The following ZBTB20 variants were observed in gnomAD, a reference collection of about 807,000 sequenced individuals.
The protein encoded by ZBTB20 is zinc finger and BTB domain containing 20, also known as zinc finger and BTB domain-containing protein 20.
Under a neutral mutation model 56.9 loss-of-function variants are expected in ZBTB20, and 9 were observed. The ratio of observed to expected loss-of-function variants is 0.16; its 90% CI spans 0.10 to 0.28. The LOEUF is 0.28. ZBTB20 is among the 10% of genes least tolerant of loss of function. The pLI is 1.00. For missense variants in ZBTB20, 655 were observed against 1,003.0 expected, an observed-to-expected ratio of 0.65 and a Z score of 4.69; for synonymous variants, 417 against 420.7, an observed-to-expected ratio of 0.99 and a Z score of 0.11.
chr3:114,448,301 C>A (rs1245985041), intron 7 of ZBTB20, among the ~76,000 whole-genome samples: 21 of 151,818 alleles, frequency 1.4e-4, no homozygotes, highest in Non-Finnish European at 3.1e-4. Flanking sequence ...AGTATAAAAA[C>A]AGCTGATCTT....
intron 6 of ZBTB20, among the ~76,000 whole-genome samples, chr3:114,525,495 A>G (rs1256364262): frequency 6.6e-6 from 1 of 151,916 alleles, no homozygotes; most frequent in East Asian, 1.9e-4. Context: ...CCACATACCA[A>G]TTCTTTGAGT....
chr3:115,073,064 A>G (rs566365853), intron 1 of ZBTB20, among the ~76,000 whole-genome samples: 1 of 152,210 alleles, frequency 6.6e-6, no homozygotes, highest in Non-Finnish European at 1.5e-5. Flanking sequence ...TTTCTATAAC[A>G]GGAGTAACAA....
At chr3:114,809,643 T>C (rs1005096930) in intron 4 of ZBTB20, among the ~76,000 whole-genome samples, 1 of 152,192 alleles carries the variant, frequency 6.6e-6, no homozygotes, top group Non-Finnish European at 1.5e-5. Context: ...AACTCTTTGT[T>C]TGCTAAGTTT....
intron 5 of ZBTB20, among the ~76,000 whole-genome samples, chr3:114,715,213 C>A (rs1201795532): frequency 1.3e-5 from 2 of 152,186 alleles, no homozygotes; most frequent in African/African-American, 4.8e-5. Context: ...AAAACAAAGT[C>A]ATTTTCAATT....
intron 4 of ZBTB20, among the ~76,000 whole-genome samples, chr3:114,882,251 T>C (rs748425229): frequency 6.6e-6 from 1 of 152,004 alleles, no homozygotes; most frequent in Non-Finnish European, 1.5e-5. Context: ...ATCAAAACAA[T>C]GGTGAAATAT....
intron 6 of ZBTB20, among the ~76,000 whole-genome samples, chr3:114,516,952 G>A (rs1008721670): frequency 5.3e-5 from 8 of 152,192 alleles, no homozygotes; most frequent in African/African-American, 9.6e-5. Context: ...GTGGTAGTTC[G>A]TTACAAAGCC....
At chr3:114,655,076 C>G (rs974241940) in intron 6 of ZBTB20, among the ~76,000 whole-genome samples, 1 of 151,904 alleles carries the variant, frequency 6.6e-6, no homozygotes, top group African/African-American at 2.4e-5. Flanking sequence ...TGACTCTTGC[C>G]TTTTTATTCA....
intron 11 of ZBTB20, among the ~76,000 whole-genome samples, chr3:114,340,283 T>C (rs1039088873): frequency 5.9e-5 from 9 of 152,064 alleles, no homozygotes; most frequent in Admixed American, 3.3e-4. Flanking sequence ...TGACATAAAA[T>C]ACATATGAAA....
chr3:114,970,399 G>A (rs2077823954), intron 3 of ZBTB20, among the ~76,000 whole-genome samples: 1 of 152,176 alleles, frequency 6.6e-6, no homozygotes, highest in Non-Finnish European at 1.5e-5. Context: ...GTATTTTAGG[G>A]AATGGTAGAC....
Position 114,319,988 on chromosome 3 carries a change from T to A in ZBTB20, c.*19017A>T, listed in dbSNP as rs2078836246. On this transcript the variant is annotated 3_prime_UTR_variant, in exon 12 of 12. Coordinates refer to ENST00000675478, the MANE Select transcript of ZBTB20 (RefSeq NM_001348800.3). ...CTGGGGTTATTTCCTCCATACTTTC[T>A]TCCACATTTAACCTGTTTGGGCATT... 6.6e-6 allele frequency: 1 copy of A among 152,206 alleles called. No homozygotes were observed. The highest frequency in any genetic ancestry group is 2.4e-5 in the African/African-American group (1 of 41,456). The allele number at this position is 152,206 out of a possible 1,614,324, so 9.4% of individuals were successfully genotyped here.
chr3:114,613,530 T>A (rs1490961615), intron 6 of ZBTB20, among the ~76,000 whole-genome samples: 1 of 152,102 alleles, frequency 6.6e-6, no homozygotes, highest in Non-Finnish European at 1.5e-5. Flanking sequence ...AGTAATAAGA[T>A]GAGAGCAGCC....
chr3:114,843,599 C>T (rs1250456529), intron 4 of ZBTB20, among the ~76,000 whole-genome samples: 1 of 152,130 alleles, frequency 6.6e-6, no homozygotes, highest in Non-Finnish European at 1.5e-5. Context: ...AAATTCCTGG[C>T]CTCAAGTGAT....
intron 5 of ZBTB20, among the ~76,000 whole-genome samples, chr3:114,775,189 C>T (rs575121436): frequency 7.3e-5 from 11 of 151,600 alleles, no homozygotes; most frequent in South Asian, 2.1e-4. Flanking sequence ...GGCTAGGCTT[C>T]GGGACACAGT....
chr3:114,952,190 GT>G (rs1448635152), intron 3 of ZBTB20, among the ~76,000 whole-genome samples: 1 of 152,058 alleles, frequency 6.6e-6, no homozygotes, highest in Non-Finnish European at 1.5e-5. Context: ...CATTGTAACA[GT>G]GTTGAGTATC....
chr3:114,753,198 C>A (rs1050782800), intron 5 of ZBTB20, among the ~76,000 whole-genome samples: 2 of 149,034 alleles, frequency 1.3e-5, no homozygotes, highest in Non-Finnish European at 3.0e-5. Flanking sequence ...GAGGCAATTT[C>A]TAAAAAATGA....
intron 6 of ZBTB20, among the ~76,000 whole-genome samples, chr3:114,627,627 G>T (rs1473268747): frequency 6.6e-6 from 1 of 152,252 alleles, no homozygotes; most frequent in South Asian, 2.1e-4. Context: ...TGTACATGGA[G>T]AATTCACCAA....
chr3:114,606,921 C>G (rs957868866), intron 6 of ZBTB20, among the ~76,000 whole-genome samples: 2 of 151,952 alleles, frequency 1.3e-5, no homozygotes, highest in African/African-American at 4.8e-5. Context: ...CATGGTGAAA[C>G]TCCGTCTTTA....
chr3:114,730,204 T>TTGTG (rs140060489), intron 5 of ZBTB20, among the ~76,000 whole-genome samples: 4,956 of 150,490 alleles, frequency 0.033, 142 homozygotes, highest in Non-Finnish European at 0.042. Flanking sequence ...TGTTGCAATT[T>TTGTG]TGTGTGTGTG....
chr3:114,661,672 GTT>G (rs1192901399), intron 6 of ZBTB20, among the ~76,000 whole-genome samples: 1 of 151,994 alleles, frequency 6.6e-6, no homozygotes, highest in African/African-American at 2.4e-5. Context: ...TCAAAAATTA[GTT>G]TACTCTGCCT....
Sources: gnomAD v4.1 joint callset for allele counts (sites outside exome capture counted in the v4.1 genomes callset) on GRCh38, gnomAD v4.1.1 for gene constraint, MANE v1.5 for transcripts, NCBI Gene and HGNC (gene_info 2026-07-23, HGNC 2026-07-21) for gene names.